DSCAM: variants seen among roughly 807,000 people sequenced by gnomAD.
DSCAM encodes cell adhesion molecule DSCAM.
In DSCAM, 47 loss-of-function variants were observed where a neutral mutation model predicts 217.7. The observed-to-expected ratio is 0.22, with a 90% CI of 0.17 to 0.28. The LOEUF is 0.28. DSCAM is among the 10% of genes least tolerant of loss of function. DSCAM has a pLI of 1.00. For synonymous variants in DSCAM, 1,056 were observed against 1,015.3 expected (o/e 1.04, Z -0.76); for missense variants, 2,080 against 2,618.3 (o/e 0.79, Z 4.49).
intron 1 of DSCAM, among the ~76,000 whole-genome samples, chr21:40,720,688 G>T (rs1467977648): frequency 6.6e-6 from 1 of 151,436 alleles, no homozygotes; most frequent in Non-Finnish European, 1.5e-5. Flanking sequence ...AAAAAAAAAT[G>T]AAAGAAGGAA....
At chr21:40,020,892 TGCTCTGCCCTGAGGCCAATGCC>T (rs2088253896) in intron 32 of DSCAM, among the ~76,000 whole-genome samples, 1 of 152,150 alleles carries the variant, frequency 6.6e-6, no homozygotes, top group African/African-American at 2.4e-5. Flanking sequence ...GAACCCACTG[TGCTCTGCCCTGAGGCCAATGCC>T]CTTCCTGTCA....
chr21:40,196,778 T>C (rs2091014291), intron 11 of DSCAM, among the ~76,000 whole-genome samples: 1 of 152,190 alleles, frequency 6.6e-6, no homozygotes, highest in African/African-American at 2.4e-5. Context: ...GAGTGTTGAC[T>C]GTGTGCTAAG....
intron 28 of DSCAM, 79 bp downstream of exon 28, chr21:40,062,789 TA>T (rs1568920531): frequency 5.1e-6 from 7 of 1,367,210 alleles, no homozygotes; most frequent in East Asian, 5.1e-5. Context: ...CTGCCATTAT[TA>T]AAAAAATAGA....
intron 3 of DSCAM, among the ~76,000 whole-genome samples, chr21:40,590,748 A>C (rs553734389): frequency 6.6e-6 from 1 of 152,182 alleles, no homozygotes. Context: ...AAAGTCCTGT[A>C]CCAATATTAT....
chr21:40,559,235 G>C (rs1322738170), intron 3 of DSCAM, among the ~76,000 whole-genome samples: 1 of 151,920 alleles, frequency 6.6e-6, no homozygotes, highest in Non-Finnish European at 1.5e-5. Context: ...GAGGCGGGAG[G>C]ATCACGAGGG....
At chr21:40,045,478 G>A (rs1366558430) in intron 30 of DSCAM, among the ~76,000 whole-genome samples, 1 of 152,176 alleles carries the variant, frequency 6.6e-6, no homozygotes, top group Admixed American at 6.5e-5. Flanking sequence ...GGTGGACGGA[G>A]TTCTTAGCTC....
At chr21:40,596,385 G>T (rs2077021602) in intron 3 of DSCAM, among the ~76,000 whole-genome samples, 1 of 152,156 alleles carries the variant, frequency 6.6e-6, no homozygotes, top group Non-Finnish European at 1.5e-5. Flanking sequence ...TTCATTGACG[G>T]GTGGGAGTTG....
At chr21:40,520,340 A>T (rs1225028151) in intron 3 of DSCAM, among the ~76,000 whole-genome samples, 1 of 152,206 alleles carries the variant, frequency 6.6e-6, no homozygotes, top group Admixed American at 6.5e-5. Context: ...AAGTCAGTTA[A>T]GAGGAGCAGG....
At chr21:40,252,720 G>C (rs563041233) in intron 11 of DSCAM, among the ~76,000 whole-genome samples, 47 of 152,246 alleles carry the variant, frequency 3.1e-4, no homozygotes, top group African/African-American at 1.1e-3. Flanking sequence ...TCAAGATTGA[G>C]GATCAAAGTA....
chr21:40,447,343 A>T (rs2034354719), intron 3 of DSCAM, among the ~76,000 whole-genome samples: 2 of 152,228 alleles, frequency 1.3e-5, no homozygotes, highest in African/African-American at 4.8e-5. Context: ...GTCTAGGATA[A>T]GTAAAGACCA....
chr21:40,756,841 G>A (rs752662805), intron 1 of DSCAM, among the ~76,000 whole-genome samples: 5 of 152,108 alleles, frequency 3.3e-5, no homozygotes, highest in Admixed American at 6.6e-5. Context: ...GCACAGAAAG[G>A]TTGGTCAAAG....
rs557393519 is a variant in DSCAM at position 40,584,464 on chromosome 21, A to G, written c.508+108346T>C. ...CGGCAGCAGGGCAGTGAGGTGCTAG[A>G]AAAAGCATAGAAATCAGGAAGAATC... On this transcript the variant is annotated intron_variant, in intron 3 of 32. Transcript: ENST00000400454. Among the ~76,000 whole-genome samples, 5 of 152,330 alleles carry G rather than the reference A, an allele frequency of 3.3e-5. No homozygotes were observed. In the South Asian group the frequency reaches 1.0e-3, roughly 32 times the overall value.
chr21:40,262,602 C>T (rs2073468260), intron 11 of DSCAM, among the ~76,000 whole-genome samples: 1 of 152,228 alleles, frequency 6.6e-6, no homozygotes, highest in South Asian at 2.1e-4. Context: ...TCACCTAACA[C>T]AAGCCCAAGT....
chr21:40,532,662 T>C (rs1346167147), intron 3 of DSCAM, among the ~76,000 whole-genome samples: 3 of 152,016 alleles, frequency 2.0e-5, no homozygotes, highest in Non-Finnish European at 4.4e-5. Flanking sequence ...GGCATGCTGC[T>C]GATATAAGAT....
chr21:40,189,147 G>A lies in DSCAM; in HGVS notation c.2448C>T (p.Pro816=). ...EMSCTAHGEK[P]IIVRWEKEDR... ...CCTCCTTCTCCCAGCGGACTATAAT[G>A]GGCTTCTCACCATGCGCCGTGCAGC... The change falls in exon 12 of 33, where the codon CCC becomes CCT. Residue 816 remains proline (P), a synonymous_variant. Coordinates refer to ENST00000400454, the MANE Select transcript of DSCAM (RefSeq NM_001389.5). 6.2e-7 allele frequency: 1 copy of A among 1,614,042 alleles called. No individual in the cohort carries two copies. Among genetic ancestry groups the A allele is most frequent in the Non-Finnish European group, 8.5e-7 (1 of 1,179,998 alleles).
At chr21:40,259,928 T>C (rs553099566) in intron 11 of DSCAM, among the ~76,000 whole-genome samples, 10 of 152,106 alleles carry the variant, frequency 6.6e-5, no homozygotes, top group East Asian at 1.9e-4. Flanking sequence ...GGGATTTCAC[T>C]GTGTTAGCCA....
chr21:40,533,113 C>T (rs530068456), intron 3 of DSCAM, among the ~76,000 whole-genome samples: 48 of 152,290 alleles, frequency 3.2e-4, no homozygotes, highest in Middle Eastern at 3.4e-3. Flanking sequence ...AGCAGGGAAT[C>T]TGAGTGAAAA....
At chr21:40,731,006 A>T (rs1290352965) in intron 1 of DSCAM, among the ~76,000 whole-genome samples, 1 of 152,182 alleles carries the variant, frequency 6.6e-6, no homozygotes, top group Non-Finnish European at 1.5e-5. Flanking sequence ...ATTTAAAAAC[A>T]AAATAATTTA....
chr21:40,078,041 G>A (rs1418075597), intron 26 of DSCAM, among the ~76,000 whole-genome samples: 1 of 152,190 alleles, frequency 6.6e-6, no homozygotes, highest in Non-Finnish European at 1.5e-5. Flanking sequence ...GCAATAAATG[G>A]CCCTTGATAC....
Sources: gnomAD v4.1 joint callset for allele counts (sites outside exome capture counted in the v4.1 genomes callset) on GRCh38, gnomAD v4.1.1 for gene constraint, MANE v1.5 for transcripts, NCBI Gene and HGNC (gene_info 2026-07-23, HGNC 2026-07-21) for gene names.